RASSF6: variants seen among roughly 807,000 people sequenced by gnomAD.
The protein encoded by RASSF6 is Ras association domain family member 6.
A neutral mutation model predicts 44.0 loss-of-function variants in RASSF6; 52 were observed. That is an observed-to-expected ratio of 1.18 (90% confidence interval 0.95 to 1.49). The LOEUF is 1.49. Ranked by LOEUF, RASSF6 falls within the 40% of genes most tolerant of loss-of-function variation. RASSF6 has a pLI of 0.00. For synonymous variants in RASSF6, 162 were observed against 124.6 expected, an observed-to-expected ratio of 1.30 and a Z score of -2.00; for missense variants, 464 against 393.3, an observed-to-expected ratio of 1.18 and a Z score of -1.52.
In RASSF6 at chr4:73,611,734, G is replaced by A. The variant is rs761675527; in HGVS notation, c.62C>T (p.Thr21Ile). The A allele has an allele frequency of 1.3e-5, 21 of 1,594,580 alleles. No homozygotes were observed. In the South Asian group the frequency reaches 2.0e-4, roughly 15 times the overall value. Residue 21 changes from threonine to isoleucine, a missense_variant, in exon 2 of 11, where the codon ACC becomes ATC. Physicochemically the swap from Thr to Ile is moderately conservative, Grantham distance 89. Coordinates refer to ENST00000307439, the MANE Select transcript of RASSF6 (RefSeq NM_177532.5). ...WIFINEKTFI[T>I]REQLNSLLKT... is the part of the protein sequence containing the mutation. ...ATAATATAAGGTGTGTGGTTACCTGGTTATGAATGTCTTCTCATTAATGAA... is the reference window on the plus strand; with the variant it reads ...ATAATATAAGGTGTGTGGTTACCTGATTATGAATGTCTTCTCATTAATGAA...
At chr4:73,595,632 G>A (rs1449985606) in intron 3 of RASSF6, among the ~76,000 whole-genome samples, 1 of 152,068 alleles carries the variant, frequency 6.6e-6, no homozygotes, top group Non-Finnish European at 1.5e-5. Context: ...GAATTTTGTG[G>A]AAACTTTTGA....
intron 4 of RASSF6, among the ~76,000 whole-genome samples, chr4:73,589,850 A>G (rs571254211): frequency 1.8e-4 from 28 of 152,180 alleles, no homozygotes; most frequent in Admixed American, 1.0e-3. Flanking sequence ...GGAGTTTAAA[A>G]ATAAAAAGGA....
chr4:73,588,783 GTCATCATCA>G (rs71217483), intron 4 of RASSF6, among the ~76,000 whole-genome samples: 1 of 148,592 alleles, frequency 6.7e-6, no homozygotes, highest in Non-Finnish European at 1.5e-5. Context: ...CATCTCCATT[GTCATCATCA>G]TCATCATCAT....
intron 2 of RASSF6, among the ~76,000 whole-genome samples, chr4:73,608,824 G>T (rs1725821004): frequency 6.6e-6 from 1 of 152,176 alleles, no homozygotes; most frequent in Admixed American, 6.5e-5. Context: ...AGAAGACCCT[G>T]TATATGAAAC....
intron 2 of RASSF6, among the ~76,000 whole-genome samples, chr4:73,609,062 C>A (rs1419618914): frequency 6.6e-6 from 1 of 152,314 alleles, no homozygotes; most frequent in South Asian, 2.1e-4. Context: ...GGATTGTACA[C>A]GTGCCTTTTG....
In RASSF6 at chr4:73,611,797, T is replaced by G. The variant is rs770104889; in HGVS notation, c.-2A>C. On this transcript the variant is annotated 5_prime_UTR_variant, in exon 2 of 11. Coordinates refer to ENST00000307439, the MANE Select transcript of RASSF6 (RefSeq NM_177532.5). Reference sequence around the variant, plus strand: ...GTACTGGTGAGCCATCATAGTCATCTTTTCCTCCTTTTTGAGATGGTCTGA... The same window carrying G: ...GTACTGGTGAGCCATCATAGTCATCGTTTCCTCCTTTTTGAGATGGTCTGA... 3 of 1,609,934 alleles carry G rather than the reference T, an allele frequency of 1.9e-6. No homozygotes were observed. In the Admixed American group the frequency reaches 5.0e-5, roughly 27 times the overall value.
chr4:73,605,185 C>T (rs1468671496), intron 2 of RASSF6, among the ~76,000 whole-genome samples: 3 of 151,990 alleles, frequency 2.0e-5, no homozygotes, highest in East Asian at 3.8e-4. Flanking sequence ...CCACCATGCC[C>T]GGCCTATAAA....
chr4:73,600,160 A>C (rs1247655), intron 2 of RASSF6, among the ~76,000 whole-genome samples: 150,919 of 152,296 alleles, frequency 0.99, 74,786 homozygotes, highest in Middle Eastern at 1. Flanking sequence ...CCCTGAGTCA[A>C]CTTCTATATA....
chr4:73,578,029 T>TTTTCTTTATTACTTCTGGTCCCTAAAGG (rs148066158), intron 8 of RASSF6, among the ~76,000 whole-genome samples: 1 of 151,908 alleles, frequency 6.6e-6, no homozygotes, highest in Non-Finnish European at 1.5e-5. Flanking sequence ...TGCTCTCTTC[T>TTTTCTTTATTACTTCTGGTCCCTAAAGG]GACCTAGTTA....
chr4:73,600,425 C>G (rs1260763704), intron 2 of RASSF6, among the ~76,000 whole-genome samples: 1 of 151,340 alleles, frequency 6.6e-6, no homozygotes, highest in Non-Finnish European at 1.5e-5. Flanking sequence ...TATTAAAATT[C>G]CAAGTATTTC....
intron 2 of RASSF6, among the ~76,000 whole-genome samples, chr4:73,610,498 A>T (rs976257203): frequency 6.6e-6 from 1 of 152,140 alleles, no homozygotes; most frequent in African/African-American, 2.4e-5. Flanking sequence ...CAAACCCTAC[A>T]TGTTCTGAGC....
intron 2 of RASSF6, among the ~76,000 whole-genome samples, chr4:73,609,670 T>C (rs1725876894): frequency 6.6e-6 from 1 of 152,212 alleles, no homozygotes; most frequent in Non-Finnish European, 1.5e-5. Flanking sequence ...CTAATTTTTG[T>C]CTTGTTTACC....
chr4:73,606,134 A>G (rs1725607744), intron 2 of RASSF6, among the ~76,000 whole-genome samples: 1 of 152,364 alleles, frequency 6.6e-6, no homozygotes, highest in Non-Finnish European at 1.5e-5. Flanking sequence ...TCACAACACT[A>G]TTCACAATAG....
At chr4:73,593,425 A>C in intron 4 of RASSF6, 26 bp downstream of exon 4, 1 of 1,585,940 alleles carries the variant, frequency 6.3e-7, no homozygotes, top group Non-Finnish European at 8.6e-7. Flanking sequence ...TCTTCTGAGG[A>C]ATTAAAAACA....
intron 6 of RASSF6, among the ~76,000 whole-genome samples, chr4:73,583,358 T>C (rs16849632): frequency 0.012 from 1,758 of 152,272 alleles, 35 homozygotes; most frequent in African/African-American, 0.04. Flanking sequence ...ATATCAGTTG[T>C]GTTGGCCAAA....
At chr4:73,579,713 G>A (rs1723476754) in intron 8 of RASSF6, among the ~76,000 whole-genome samples, 2 of 151,328 alleles carry the variant, frequency 1.3e-5, no homozygotes, top group South Asian at 2.1e-4. Flanking sequence ...AATATTCTTT[G>A]TAATCTACTA....
chr4:73,610,974 C>T (rs1378910397), intron 2 of RASSF6, among the ~76,000 whole-genome samples: 2 of 152,140 alleles, frequency 1.3e-5, no homozygotes, highest in East Asian at 1.9e-4. Flanking sequence ...ATAGTTCATC[C>T]TTATCTTTCA....
chr4:73,608,037 C>T (rs1160384469), intron 2 of RASSF6, among the ~76,000 whole-genome samples: 20 of 115,800 alleles, frequency 1.7e-4, no homozygotes, highest in African/African-American at 6.3e-4. Context: ...CCCTCCCCTC[C>T]CCTCCCCTCT....
intron 8 of RASSF6, among the ~76,000 whole-genome samples, chr4:73,577,880 G>A (rs936838462): frequency 6.6e-6 from 1 of 152,088 alleles, no homozygotes; most frequent in African/African-American, 2.4e-5. Flanking sequence ...GAAGGACTTG[G>A]GAATCTGTAT....
Sources: allele counts gnomAD v4.1 joint callset (sites outside exome capture counted in the v4.1 genomes callset), GRCh38; gene constraint gnomAD v4.1.1; transcripts MANE v1.5; gene names NCBI Gene and HGNC (gene_info 2026-07-23, HGNC 2026-07-21).